CTNNA3: variants seen among roughly 807,000 people sequenced by gnomAD.
CTNNA3 encodes catenin alpha 3, also known as catenin alpha-3.
In CTNNA3, 76 loss-of-function variants were observed where a neutral mutation model predicts 95.7. The observed-to-expected ratio is 0.79, with a 90% confidence interval of 0.66 to 0.96. CTNNA3 has a LOEUF of 0.96. Ranked by LOEUF, CTNNA3 falls within the 40% of genes least tolerant of loss-of-function variation. The probability of loss-of-function intolerance (pLI) is 0.00; values close to 1 mark genes in which losing one functional copy is unlikely to be tolerated. For synonymous variants in CTNNA3, 431 were observed against 374.4 expected (o/e 1.15, Z -1.74); for missense variants, 1,191 against 1,089.8 (o/e 1.09, Z -1.31).
chr10:66,069,204 A>G, intron 15 of CTNNA3, 104 bp downstream of exon 15: 1 of 1,084,256 alleles, frequency 9.2e-7, no homozygotes, highest in Non-Finnish European at 1.4e-6. Flanking sequence ...TTCCCCTACC[A>G]CCTGATTTTT....
chr10:66,361,522 A>G (rs2092675363), intron 12 of CTNNA3, among the ~76,000 whole-genome samples: 1 of 113,898 alleles, frequency 8.8e-6, no homozygotes. Context: ...CTCTCTCTGC[A>G]TCTTTCTCTC....
At chr10:67,175,623 C>CAGATCTGACTTGTTTACTCTAGCAGCATT (rs1862204388) in intron 7 of CTNNA3, among the ~76,000 whole-genome samples, 1 of 152,166 alleles carries the variant, frequency 6.6e-6, no homozygotes, top group Non-Finnish European at 1.5e-5. Context: ...GCATGGAGCT[C>CAGATCTGACTTGTTTACTCTAGCAGCATT]AGATCTGACT....
At chr10:67,163,582 T>C (rs994506529) in intron 7 of CTNNA3, among the ~76,000 whole-genome samples, 7 of 152,036 alleles carry the variant, frequency 4.6e-5, no homozygotes, top group African/African-American at 1.7e-4. Context: ...ATATCAGCTC[T>C]CACCACACTT....
intron 5 of CTNNA3, among the ~76,000 whole-genome samples, chr10:67,278,897 A>G (rs1256395359): frequency 6.6e-6 from 1 of 152,194 alleles, no homozygotes; most frequent in Non-Finnish European, 1.5e-5. Flanking sequence ...ATGAGAATTT[A>G]TGGTTTGTAG....
At position 67,643,777 on chromosome 10, in the gene CTNNA3, T is replaced by G. The variant is rs1268365784; in HGVS notation, c.99+3638A>C. On this transcript the variant is annotated intron_variant, in intron 2 of 17. Coordinates refer to ENST00000433211, the MANE Select transcript of CTNNA3 (RefSeq NM_013266.4). ...CAACTTCCACTTATGAGTGAGAATA[T>G]GTGGCGCTTGGTTTTCTCTTCTTGT... 2.6e-5 allele frequency among the ~76,000 whole-genome samples: 4 copies of G among 152,092 alleles called. No homozygotes were observed. The East Asian group carries it at 7.8e-4, about 30-fold the overall frequency.
chr10:67,713,441 C>T (rs913519084), intron 1 of CTNNA3, among the ~76,000 whole-genome samples: 2 of 152,156 alleles, frequency 1.3e-5, no homozygotes, highest in African/African-American at 4.8e-5. Context: ...TGGGTATATA[C>T]CCAAAGGATT....
At chr10:66,448,343 T>C (rs1204165472) in intron 11 of CTNNA3, among the ~76,000 whole-genome samples, 1 of 152,128 alleles carries the variant, frequency 6.6e-6, no homozygotes, top group Admixed American at 6.6e-5. Context: ...ACCCAAAGGA[T>C]TATAAATCAT....
intron 9 of CTNNA3, among the ~76,000 whole-genome samples, chr10:66,634,251 G>T (rs555269600): frequency 6.6e-6 from 1 of 151,972 alleles, no homozygotes; most frequent in African/African-American, 2.4e-5. Context: ...CACTTATTGC[G>T]AAGCCTGAAG....
chr10:67,091,385 A>G (rs985947840), intron 7 of CTNNA3, among the ~76,000 whole-genome samples: 2 of 151,978 alleles, frequency 1.3e-5, no homozygotes, highest in Admixed American at 6.6e-5. Context: ...TTTAAGGAAT[A>G]TATGTAAATA....
At chr10:66,726,796 G>A (rs553943496) in intron 9 of CTNNA3, among the ~76,000 whole-genome samples, 2 of 148,074 alleles carry the variant, frequency 1.4e-5, no homozygotes, top group East Asian at 2.0e-4. Flanking sequence ...AGCCTGTTGG[G>A]AAGACAGATT....
chr10:66,979,974 A>T (rs1036515914), intron 7 of CTNNA3, among the ~76,000 whole-genome samples: 1 of 152,154 alleles, frequency 6.6e-6, no homozygotes, highest in Non-Finnish European at 1.5e-5. Context: ...TCAAGTTTTT[A>T]TTCTTTTGTG....
intron 10 of CTNNA3, among the ~76,000 whole-genome samples, chr10:66,573,876 G>A (rs1428440634): frequency 6.6e-6 from 1 of 152,002 alleles, no homozygotes; most frequent in African/African-American, 2.4e-5. Context: ...TATCAGCAAT[G>A]TGCAGAGAAT....
At chr10:67,564,703 A>G (rs1283838536) in intron 3 of CTNNA3, among the ~76,000 whole-genome samples, 8 of 95,068 alleles carry the variant, frequency 8.4e-5, no homozygotes, top group East Asian at 7.5e-4. Flanking sequence ...ATATATATAT[A>G]TATATATATA....
At chr10:67,023,227 A>G (rs962964559) in intron 7 of CTNNA3, among the ~76,000 whole-genome samples, 1 of 152,188 alleles carries the variant, frequency 6.6e-6, no homozygotes, top group African/African-American at 2.4e-5. Flanking sequence ...TAGTATCAAG[A>G]TCAATTCTCT....
At chr10:67,726,402 T>TA (rs1564841090) in intron 1 of CTNNA3, among the ~76,000 whole-genome samples, 1 of 44,036 alleles carries the variant, frequency 2.3e-5, no homozygotes, top group African/African-American at 1.4e-4. Flanking sequence ...ATATTATATA[T>TA]TATATCATAT....
chr10:67,341,726 T>A (rs1842199286), intron 5 of CTNNA3, among the ~76,000 whole-genome samples: 1 of 152,226 alleles, frequency 6.6e-6, no homozygotes, highest in Non-Finnish European at 1.5e-5. Flanking sequence ...ATGGGATTGC[T>A]GCATCATTTG....
At chr10:67,037,835 T>C (rs1029304991) in intron 7 of CTNNA3, among the ~76,000 whole-genome samples, 1 of 152,098 alleles carries the variant, frequency 6.6e-6, no homozygotes, top group Non-Finnish European at 1.5e-5. Context: ...TTGAGATGTA[T>C]TGGTAAATTA....
At chr10:67,494,080 G>T (rs974774554) in intron 5 of CTNNA3, among the ~76,000 whole-genome samples, 3 of 152,172 alleles carry the variant, frequency 2.0e-5, no homozygotes, top group East Asian at 3.9e-4. Context: ...TAAGTTTAAG[G>T]ATAGCATACT....
chr10:67,631,773 A>G (rs1482209350), intron 2 of CTNNA3, among the ~76,000 whole-genome samples: 3 of 151,260 alleles, frequency 2.0e-5, no homozygotes, highest in Admixed American at 6.6e-5. Context: ...TGTTTATGCA[A>G]TCGAATACTA....
Sources: gnomAD v4.1 joint callset for allele counts (sites outside exome capture counted in the v4.1 genomes callset) on GRCh38, gnomAD v4.1.1 for gene constraint, MANE v1.5 for transcripts, NCBI Gene and HGNC (gene_info 2026-07-23, HGNC 2026-07-21) for gene names.